Variants in ABCA13 observed in about 807,000 individuals in gnomAD.
ABCA13 encodes the protein ATP binding cassette subfamily A member 13, also known as ATP-binding cassette sub-family A member 13.
In ABCA13, 476 loss-of-function variants were observed where a neutral mutation model predicts 478.7. The observed-to-expected ratio is 0.99, with a 90% CI of 0.92 to 1.07. The LOEUF is 1.07. Among genes scored for constraint, ABCA13 ranks in the 50% least tolerant of loss-of-function variants. The pLI is 0.00. For synonymous variants in ABCA13, 2,252 were observed against 2,158.9 expected, an observed-to-expected ratio of 1.04 and a Z score of -1.20; for missense variants, 6,060 against 5,910.6, an observed-to-expected ratio of 1.03 and a Z score of -0.83.
At chr7:48,280,049 G>T (rs1268775136) in intron 18 of ABCA13, 129 bp downstream of exon 18, 1 of 1,047,716 alleles carries the variant, frequency 9.5e-7, no homozygotes, top group African/African-American at 1.7e-5. Flanking sequence ...ACACTCTGAA[G>T]TTGGCTTCAA....
intron 38 of ABCA13, among the ~76,000 whole-genome samples, chr7:48,393,673 A>G (rs1019691802): frequency 8.5e-5 from 13 of 152,136 alleles, no homozygotes; most frequent in Non-Finnish European, 1.5e-4. Context: ...ATGATGGTGG[A>G]GCTCTACCTT....
chr7:48,537,064 CTATAAGT>C (rs1416329723), intron 55 of ABCA13, among the ~76,000 whole-genome samples: 1 of 151,792 alleles, frequency 6.6e-6, no homozygotes. Context: ...TGTTTTATTT[CTATAAGT>C]TATATTTTCC....
At chr7:48,187,715 GT>G (rs573208024) in intron 1 of ABCA13, among the ~76,000 whole-genome samples, 3 of 150,158 alleles carry the variant, frequency 2.0e-5, no homozygotes, top group East Asian at 2.0e-4. Context: ...TGATTTTTTT[GT>G]TTTTTTTCTT....
intron 42 of ABCA13, among the ~76,000 whole-genome samples, chr7:48,448,153 A>G (rs1824533593): frequency 6.6e-6 from 1 of 152,170 alleles, no homozygotes; most frequent in African/African-American, 2.4e-5. Flanking sequence ...TGACCAAAAT[A>G]GAAATCAGAG....
At chr7:48,198,846 T>C in intron 3 of ABCA13, among the ~76,000 whole-genome samples, 1 of 152,230 alleles carries the variant, frequency 6.6e-6, no homozygotes, top group East Asian at 1.9e-4. Flanking sequence ...GACAGTTAAG[T>C]TGCCTTCTCT....
In ABCA13 at chr7:48,367,836, G is replaced by A; in HGVS notation, c.10731G>A (p.Met3577Ile). Residue 3577 changes from methionine to isoleucine, a missense_variant, in exon 32 of 62, where the codon ATG (methionine) becomes ATA (isoleucine). Transcript: ENST00000435803. ...NVGFFFPLIMMLTWMVSVASM... is the reference protein window; with the variant it reads ...NVGFFFPLIMILTWMVSVASM... The stretch of plus-strand genomic sequence containing the variant: ...GTTTCTTTTTTCCACTGATAATGAT[G>A]CTGACGTGGATGGTGTCTGTGGCCA... The A allele has an allele frequency of 6.3e-7, 1 of 1,579,432 alleles. No individual in the cohort carries two copies. The highest frequency in any genetic ancestry group is 1.2e-5 in the South Asian group (1 of 85,854).
At chr7:48,203,262 G>A (rs1799104141) in intron 3 of ABCA13, among the ~76,000 whole-genome samples, 1 of 152,108 alleles carries the variant, frequency 6.6e-6, no homozygotes, top group Non-Finnish European at 1.5e-5. Context: ...GCCCGCAAGC[G>A]CCGCACGCAG....
intron 45 of ABCA13, among the ~76,000 whole-genome samples, chr7:48,472,086 T>C (rs1827561562): frequency 2.6e-5 from 4 of 152,226 alleles, no homozygotes; most frequent in Admixed American, 2.6e-4. Context: ...GTCTAATCTG[T>C]GAAGGAGAAT....
At chr7:48,629,443 CGTGTGTGAGTGT>C (rs1793959022) in intron 59 of ABCA13, among the ~76,000 whole-genome samples, 1 of 151,878 alleles carries the variant, frequency 6.6e-6, no homozygotes, top group Admixed American at 6.6e-5. Context: ...GCATAAAATG[CGTGTGTGAGTGT>C]GTATTTTTAA....
Position 48,481,003 on chromosome 7 carries a change from A to C in ABCA13, c.12976-33A>C, listed in dbSNP as rs536285305. 24 of 1,407,366 alleles carry C rather than the reference A, an allele frequency of 1.7e-5. No individual in the cohort carries two copies. In the South Asian group the frequency reaches 3.0e-4, roughly 18 times the overall value. The allele number at this position is 1,407,366 out of a possible 1,614,324, so 87.2% of individuals were successfully genotyped here. A position where few individuals can be genotyped will look rare whatever the true frequency, so the allele number is the denominator to read the frequency against. On this transcript the variant is annotated intron_variant, in intron 45 of 61. Transcript: ENST00000435803. ...TGAACCAGTTTGTGAATTATAAAAA[A>C]GTTTGTTTTTATCTTTTTGAAAACA...
rs1239500385 is a variant in ABCA13 at position 48,524,326 on chromosome 7, A to G, written c.14130A>G (p.Glu4710=). The G allele has an allele frequency of 6.2e-7, 1 of 1,613,188 alleles. No homozygotes were observed. The highest frequency in any genetic ancestry group is 1.3e-5 in the African/African-American group (1 of 74,940). The change falls in exon 54 of 62, where the codon GAA becomes GAG. Residue 4710 remains glutamate (E), a synonymous_variant. Transcript: ENST00000435803. ...AAAAAGAGGAAAAGAGAGTGTTTGA[A>G]GGAAGGACCAATGGAGACATTCTTG... ...DVEKEEKRVF[E]GRTNGDILVL...
At position 48,313,134 on chromosome 7, in the gene ABCA13, C is replaced by G. The variant is rs903193643; in HGVS notation, c.9584C>G (p.Ala3195Gly). The change falls in exon 25 of 62, where the codon GCC becomes GGC. Residue 3195 changes from alanine to glycine, a missense_variant. Transcript: ENST00000435803. Reference protein sequence around the residue: ...SLLDIVSSLSALLAKAQHVFE... With the variant: ...SLLDIVSSLSGLLAKAQHVFE... ...CTGGATATAGTTTCCAGCCTCAGCG[C>G]CTTGCTTGCCAAAGCCCAGCACGTC... is the stretch of plus-strand genomic sequence containing the variant. The G allele has an allele frequency of 1.2e-6, 2 of 1,613,056 alleles. No individual in the cohort carries two copies. Among genetic ancestry groups the G allele is most frequent in the African/African-American group, 2.7e-5 (2 of 74,920 alleles).
At chr7:48,358,629 A>G (rs564820457) in intron 31 of ABCA13, among the ~76,000 whole-genome samples, 1 of 152,156 alleles carries the variant, frequency 6.6e-6, no homozygotes, top group Non-Finnish European at 1.5e-5. Flanking sequence ...CACACATTCT[A>G]TGCTGGGATG....
intron 20 of ABCA13, among the ~76,000 whole-genome samples, chr7:48,293,192 G>GCCCCACCCCCC (rs1554419599): frequency 4.6e-5 from 5 of 108,280 alleles, no homozygotes; most frequent in African/African-American, 1.5e-4. Flanking sequence ...GAAGTCTTCA[G>GCCCCACCCCCC]CCCCCCCCCC....
In ABCA13 at chr7:48,646,804, C is replaced by G. The variant is rs1268494038; in HGVS notation, c.*1292C>G. On this transcript the variant is annotated 3_prime_UTR_variant, in exon 62 of 62. Coordinates refer to ENST00000435803, the MANE Select transcript of ABCA13 (RefSeq NM_152701.5). The stretch of plus-strand genomic sequence containing the variant: ...AAAGTGCTGGGATTACAGGCGTGAG[C>G]CACCGTGTCCGGCCGTAGTTTATTT... 6.6e-6 allele frequency: 1 copy of G among 152,182 alleles called. No individual in the cohort carries two copies. The highest frequency in any genetic ancestry group is 1.9e-4 in the East Asian group (1 of 5,184). The allele number at this position is 152,182 out of a possible 1,614,324, so 9.4% of individuals were successfully genotyped here.
chr7:48,510,769 C>T (rs545065949), intron 50 of ABCA13, among the ~76,000 whole-genome samples: 1 of 152,220 alleles, frequency 6.6e-6, no homozygotes, highest in East Asian at 1.9e-4. Context: ...TCCTGATCTC[C>T]TCTAGAGACA....
intron 43 of ABCA13, among the ~76,000 whole-genome samples, chr7:48,459,076 C>A (rs1302321145): frequency 6.6e-6 from 1 of 152,176 alleles, no homozygotes; most frequent in Non-Finnish European, 1.5e-5. Flanking sequence ...AATTCTCCCT[C>A]CCCACTAAGA....
At chr7:48,644,811 T>C in intron 61 of ABCA13, 57 bp downstream of exon 61, 1 of 1,448,520 alleles carries the variant, frequency 6.9e-7, no homozygotes, top group Non-Finnish European at 9.2e-7. Flanking sequence ...TCAGACCTAA[T>C]GTAGCCAATT....
At chr7:48,637,384 A>AAAAAAAAAAAAAAAAAAAAAAAC in intron 59 of ABCA13, among the ~76,000 whole-genome samples, 1 of 131,008 alleles carries the variant, frequency 7.6e-6, no homozygotes, top group East Asian at 2.2e-4. Context: ...CATAAAGCAA[A>AAAAAAAAAAAAAAAAAAAAAAAC]AAAAAAAAAA....
Sources: gnomAD v4.1 joint callset for allele counts (sites outside exome capture counted in the v4.1 genomes callset) on GRCh38, gnomAD v4.1.1 for gene constraint, MANE v1.5 for transcripts, NCBI Gene and HGNC (gene_info 2026-07-23, HGNC 2026-07-21) for gene names.